Variants in DDX31 observed in about 807,000 individuals in gnomAD.
DDX31 encodes ATP-dependent DNA helicase DDX31.
In DDX31, 70 loss-of-function variants were observed where a neutral mutation model predicts 91.3. That is an observed-to-expected ratio of 0.77 (90% CI 0.63 to 0.94). The LOEUF (loss-of-function observed/expected upper bound fraction) is 0.94. Among genes scored for constraint, DDX31 ranks in the 40% least tolerant of loss-of-function variants. DDX31 has a pLI of 0.00. For synonymous variants in DDX31, 362 were observed against 350.6 expected (o/e 1.03, Z -0.36); for missense variants, 902 against 925.0 (o/e 0.98, Z 0.32).
At chr9:132,643,069 C>T (rs1833598530) in intron 13 of DDX31, among the ~76,000 whole-genome samples, 2 of 152,200 alleles carry the variant, frequency 1.3e-5, no homozygotes, top group African/African-American at 2.4e-5. Flanking sequence ...AGCAACTCAC[C>T]AGCCTCAGCC....
In DDX31 at chr9:132,621,993, TAAAAAA is replaced by T. The variant is rs11306949; in HGVS notation, c.1714-3558_1714-3553del. ...AAGCCCAAACTTACTCAGCTTTTCTTAAAAAAAAAAAAAAAAAAAATCACCAAACCT... is the reference window on the plus strand; with the variant it reads ...AAGCCCAAACTTACTCAGCTTTTCTTAAAAAAAAAAAAAATCACCAAACCT... On this transcript the variant is annotated intron_variant, in intron 17 of 19. Coordinates refer to ENST00000372159, the MANE Select transcript of DDX31 (RefSeq NM_022779.9). Among the ~76,000 whole-genome samples, 12 of 143,716 alleles carry T rather than the reference TAAAAAA, an allele frequency of 8.3e-5. No homozygotes were observed. The East Asian group carries it at 1.6e-3, about 19-fold the overall frequency. The allele number at this position is 143,716 out of a possible 152,430, so 94.3% of individuals were successfully genotyped here. A position where few individuals can be genotyped will look rare whatever the true frequency, so the allele number is the denominator to read the frequency against.
intron 16 of DDX31, 119 bp downstream of exon 16, chr9:132,630,145 T>C (rs1157072612): frequency 3.4e-6 from 4 of 1,171,368 alleles, no homozygotes; most frequent in Non-Finnish European, 4.7e-6. Context: ...CTGGGACTCA[T>C]TTAGGGATCA....
At chr9:132,646,791 T>G in intron 12 of DDX31, 32 bp downstream of exon 12, 1 of 1,605,342 alleles carries the variant, frequency 6.2e-7, no homozygotes, top group East Asian at 2.2e-5. Flanking sequence ...CTTTCTTCCC[T>G]GAATCAAGTC....
chr9:132,596,123 T>A (rs1830423464), intron 19 of DDX31, among the ~76,000 whole-genome samples: 1 of 152,222 alleles, frequency 6.6e-6, no homozygotes, highest in Non-Finnish European at 1.5e-5. Context: ...AAGACATATG[T>A]TACGTTCTGC....
chr9:132,604,147 G>T (rs113322240), intron 19 of DDX31, among the ~76,000 whole-genome samples: 1 of 152,190 alleles, frequency 6.6e-6, no homozygotes, highest in Non-Finnish European at 1.5e-5. Context: ...ACTGGAGCAT[G>T]TGCCCACACT....
Position 132,669,912 on chromosome 9 carries a change from A to T in DDX31, c.23T>A (p.Leu8His). Residue 8 changes from leucine (L) to histidine (H), a missense_variant, in exon 1 of 20, where the codon CTC becomes CAC. Coordinates refer to ENST00000372159, the MANE Select transcript of DDX31 (RefSeq NM_022779.9). ...GGAGAACGTCCTGGGGTTGTCGAAG[A>T]GCGAACCGTCGGCGGCTGCCATGGT... Reference protein sequence around the residue: MAAADGSLFDNPRTFSRR... With the variant: MAAADGSHFDNPRTFSRR... 6.3e-7 allele frequency: 1 copy of T among 1,596,864 alleles called. No individual in the cohort carries two copies. The highest frequency in any genetic ancestry group is 8.5e-7 in the Non-Finnish European group (1 of 1,172,698).
intron 17 of DDX31, among the ~76,000 whole-genome samples, chr9:132,624,407 T>C (rs1221775732): frequency 1.3e-5 from 2 of 152,164 alleles, no homozygotes; most frequent in African/African-American, 4.8e-5. Context: ...CTTTTATTGT[T>C]CACAGGGATC....
At chr9:132,652,884 T>C (rs1402407842) in intron 6 of DDX31, among the ~76,000 whole-genome samples, 3 of 152,198 alleles carry the variant, frequency 2.0e-5, no homozygotes, top group Admixed American at 2.0e-4. Context: ...GCCATGATTA[T>C]GAGACCTCCC....
At chr9:132,607,944 C>A (rs1831113803) in intron 19 of DDX31, among the ~76,000 whole-genome samples, 1 of 152,208 alleles carries the variant, frequency 6.6e-6, no homozygotes, top group African/African-American at 2.4e-5. Flanking sequence ...ACTGTTCTGA[C>A]ACGTTCTACT....
chr9:132,654,109 A>G (rs1834400582), intron 6 of DDX31, among the ~76,000 whole-genome samples: 1 of 152,198 alleles, frequency 6.6e-6, no homozygotes, highest in Non-Finnish European at 1.5e-5. Context: ...TGTCCTTTTA[A>G]CAGATGACAT....
intron 6 of DDX31, among the ~76,000 whole-genome samples, chr9:132,654,568 G>A (rs1474048934): frequency 2.0e-5 from 3 of 151,104 alleles, no homozygotes; most frequent in African/African-American, 7.3e-5. Context: ...AGCCGAGATC[G>A]TGCCATCGCA....
At chr9:132,631,697 G>C (rs1426891422) in intron 15 of DDX31, among the ~76,000 whole-genome samples, 1 of 152,198 alleles carries the variant, frequency 6.6e-6, no homozygotes, top group Non-Finnish European at 1.5e-5. Flanking sequence ...TCGGACAGCT[G>C]AGCCATCTCC....
At chr9:132,625,851 G>T in intron 16 of DDX31, 106 bp from the exon 17 acceptor site, 1 of 736,136 alleles carries the variant, frequency 1.4e-6, no homozygotes, top group East Asian at 2.7e-5. Context: ...ACATGAAGTA[G>T]AAGTGACACC....
intron 18 of DDX31, among the ~76,000 whole-genome samples, chr9:132,614,518 C>T (rs187829517): frequency 2.8e-4 from 43 of 152,136 alleles, no homozygotes; most frequent in Admixed American, 6.5e-4. Flanking sequence ...AAGACAAGAC[C>T]GAAACCAAGT....
At chr9:132,666,387 A>G (rs920997858) in intron 1 of DDX31, among the ~76,000 whole-genome samples, 8 of 152,100 alleles carry the variant, frequency 5.3e-5, no homozygotes, top group African/African-American at 1.9e-4. Flanking sequence ...AGTGATTCCA[A>G]TTTTGAGTTG....
intron 6 of DDX31, among the ~76,000 whole-genome samples, chr9:132,653,493 TCAAAAAAAAAAA>T (rs1834344252): frequency 3.1e-4 from 1 of 3,230 alleles, no homozygotes. Context: ...AAACTCAGTC[TCAAAAAAAAAAA>T]AAAAAAAAAA....
At chr9:132,637,956 G>A in intron 14 of DDX31, 12 of 1,011,360 alleles carry the variant, frequency 1.2e-5, no homozygotes, top group Non-Finnish European at 1.4e-5. Context: ...CTGGCACGGT[G>A]GAAATTCCCC....
Position 132,594,115 on chromosome 9 carries a change from T to C in DDX31, c.*751A>G, listed in dbSNP as rs372520444. The C allele has an allele frequency of 2.0e-5, 3 of 152,122 alleles. No homozygotes were observed. The East Asian group carries it at 5.8e-4, about 29-fold the overall frequency. The allele number at this position is 152,122 out of a possible 1,614,324, so 9.4% of individuals were successfully genotyped here. On this transcript the variant is annotated 3_prime_UTR_variant, in exon 20 of 20. Transcript: ENST00000372159. ...TTCTTGAAGACAAGACAGGATTCGA[T>C]AGGGAAAAAAAGCTTGGGATACTGG...
chr9:132,652,346 G>A lies in DDX31; in HGVS notation c.633+102C>T, dbSNP rs937862842. 1.5e-5 allele frequency: 20 copies of A among 1,374,752 alleles called. 1 individual carries two copies. The highest frequency in any genetic ancestry group is 2.0e-5 in the Non-Finnish European group (20 of 984,928). The allele number at this position is 1,374,752 out of a possible 1,614,324, so 85.2% of individuals were successfully genotyped here. A position where few individuals can be genotyped will look rare whatever the true frequency, so the allele number is the denominator to read the frequency against. On this transcript the variant is annotated intron_variant, in intron 7 of 19. Coordinates refer to ENST00000372159, the MANE Select transcript of DDX31 (RefSeq NM_022779.9). ...AGGCAAATGGAACTGGTGTGCAGTG[G>A]CTTGTGCAGTAGGGAGAAACATGGT...
Sources: allele counts gnomAD v4.1 joint callset (sites outside exome capture counted in the v4.1 genomes callset), GRCh38; gene constraint gnomAD v4.1.1; transcripts MANE v1.5; gene names NCBI Gene and HGNC (gene_info 2026-07-23, HGNC 2026-07-21).